CNTNAP2: variants seen among roughly 807,000 people sequenced by gnomAD.
The protein encoded by CNTNAP2 is contactin associated protein 2, also known as contactin-associated protein-like 2.
CNTNAP2 carries 98 observed loss-of-function variants against 155.2 expected under a neutral mutation model. That is an observed-to-expected ratio of 0.63 (90% CI 0.54 to 0.75). CNTNAP2 has a LOEUF of 0.75. CNTNAP2 is among the 30% of genes least tolerant of loss of function. The pLI is 0.00. For missense variants in CNTNAP2, 1,727 were observed against 1,688.1 expected (o/e 1.02, Z -0.40); for synonymous variants, 651 against 631.2 (o/e 1.03, Z -0.47).
intron 8 of CNTNAP2, chr7:147,146,208 AG>A (rs1185360696): frequency 4.6e-5 from 7 of 152,374 alleles, no homozygotes; most frequent in Non-Finnish European, 7.3e-5. Context: ...AGTGTGTTCT[AG>A]GGGCTCATTC....
chr7:147,520,045 G>T (rs996400619), intron 11 of CNTNAP2, among the ~76,000 whole-genome samples: 2 of 152,118 alleles, frequency 1.3e-5, no homozygotes, highest in Non-Finnish European at 2.9e-5. Flanking sequence ...GTCATTGAAA[G>T]CTTTGGAAGG....
intron 1 of CNTNAP2, among the ~76,000 whole-genome samples, chr7:146,189,946 G>T (rs538463203): frequency 5.3e-5 from 8 of 152,010 alleles, no homozygotes; most frequent in Non-Finnish European, 8.8e-5. Flanking sequence ...TGTTTCTTTT[G>T]CACATGATCC....
At chr7:147,247,208 C>T (rs900054783) in intron 8 of CNTNAP2, among the ~76,000 whole-genome samples, 1 of 151,756 alleles carries the variant, frequency 6.6e-6, no homozygotes, top group Non-Finnish European at 1.5e-5. Context: ...TTTTATTTCC[C>T]CTCTCCTCGG....
At chr7:146,827,029 A>G (rs1353740484) in intron 2 of CNTNAP2, among the ~76,000 whole-genome samples, 2 of 151,900 alleles carry the variant, frequency 1.3e-5, no homozygotes, top group African/African-American at 2.4e-5. Flanking sequence ...TTCAATTACA[A>G]TTCAATTTGC....
chr7:147,414,325 G>C (rs1248559378), intron 10 of CNTNAP2, among the ~76,000 whole-genome samples: 1 of 151,728 alleles, frequency 6.6e-6, no homozygotes, highest in Non-Finnish European at 1.5e-5. Context: ...TCAGGAGGCT[G>C]AGGCAGGAGA....
intron 1 of CNTNAP2, among the ~76,000 whole-genome samples, chr7:146,559,749 A>G (rs1321997457): frequency 6.6e-6 from 1 of 152,160 alleles, no homozygotes; most frequent in Admixed American, 6.5e-5. Flanking sequence ...CCCATTGCTA[A>G]TCATCCATTC....
intron 1 of CNTNAP2, among the ~76,000 whole-genome samples, chr7:146,516,778 C>A (rs1043078577): frequency 6.6e-6 from 1 of 151,906 alleles, no homozygotes; most frequent in Non-Finnish European, 1.5e-5. Context: ...CCTGAACCCC[C>A]TTTCCCTTGC....
rs1480836598 is a variant in CNTNAP2 at position 148,061,962 on chromosome 7, G to A, written c.2384-56156G>A. Among the ~76,000 whole-genome samples, 55 of 72,442 alleles carry A rather than the reference G, an allele frequency of 7.6e-4. 1 individual carries two copies. The highest frequency in any genetic ancestry group is 3.8e-3 in the African/African-American group (49 of 12,762). The allele number at this position is 72,442 out of a possible 152,430, so 47.5% of individuals were successfully genotyped here. The stretch of plus-strand genomic sequence containing the variant: ...ATAGATAGATAAACAGATATAGATA[G>A]ATAGATAGATAGATAGATAGATAGA... On this transcript the variant is annotated intron_variant, in intron 15 of 23. Transcript: ENST00000361727.
intron 8 of CNTNAP2, among the ~76,000 whole-genome samples, chr7:147,298,432 AAAG>A (rs1473246664): frequency 6.6e-6 from 1 of 152,154 alleles, no homozygotes; most frequent in African/African-American, 2.4e-5. Context: ...CACAAAAAAA[AAAG>A]AGGGGCTCAG....
chr7:147,818,454 C>G (rs1306416939), intron 13 of CNTNAP2, among the ~76,000 whole-genome samples: 1 of 152,078 alleles, frequency 6.6e-6, no homozygotes, highest in African/African-American at 2.4e-5. Context: ...GAAGTGCAGC[C>G]ATCAGTCTTA....
chr7:147,251,746 T>G (rs1467257857), intron 8 of CNTNAP2, among the ~76,000 whole-genome samples: 1 of 152,178 alleles, frequency 6.6e-6, no homozygotes, highest in African/African-American at 2.4e-5. Context: ...ACTGACCAAC[T>G]AGCAAACAAA....
At chr7:147,142,828 A>C (rs1162783836) in intron 8 of CNTNAP2, among the ~76,000 whole-genome samples, 2 of 152,162 alleles carry the variant, frequency 1.3e-5, no homozygotes, top group Admixed American at 6.5e-5. Flanking sequence ...CCACTGGAGC[A>C]TTTGGCCTCA....
intron 13 of CNTNAP2, among the ~76,000 whole-genome samples, chr7:147,787,009 AAGAG>A (rs58597648): frequency 4.6e-5 from 7 of 150,724 alleles, no homozygotes; most frequent in South Asian, 2.1e-4. Context: ...GGGAGGGAAA[AAGAG>A]AGAGAGAGAG....
At chr7:146,554,246 C>A (rs1462063919) in intron 1 of CNTNAP2, among the ~76,000 whole-genome samples, 2 of 151,934 alleles carry the variant, frequency 1.3e-5, no homozygotes, top group African/African-American at 4.8e-5. Flanking sequence ...GATCTGAAGC[C>A]CCTAAAAAAA....
At chr7:147,742,220 A>G (rs1279800204) in intron 13 of CNTNAP2, among the ~76,000 whole-genome samples, 1 of 152,240 alleles carries the variant, frequency 6.6e-6, no homozygotes, top group Admixed American at 6.5e-5. Flanking sequence ...AACCATATCA[A>G]TGGCAAAACC....
At chr7:146,617,077 T>C (rs930783057) in intron 1 of CNTNAP2, among the ~76,000 whole-genome samples, 2 of 152,182 alleles carry the variant, frequency 1.3e-5, no homozygotes, top group African/African-American at 4.8e-5. Flanking sequence ...TGGAGTGCAG[T>C]GGCGCGATCT....
intron 9 of CNTNAP2, among the ~76,000 whole-genome samples, chr7:147,361,613 G>A (rs73473160): frequency 0.024 from 3,616 of 152,142 alleles, 162 homozygotes; most frequent in African/African-American, 0.083. Context: ...CAAACTTATT[G>A]AGTAAGATAG....
At chr7:146,964,880 T>C (rs1364758953) in intron 3 of CNTNAP2, among the ~76,000 whole-genome samples, 2 of 102,600 alleles carry the variant, frequency 1.9e-5, no homozygotes, top group East Asian at 4.1e-4. Context: ...TGTTATTTAC[T>C]AAAACAGGTG....
chr7:147,601,636 T>TAAAAAA (rs370619019), intron 12 of CNTNAP2, among the ~76,000 whole-genome samples: 18 of 69,202 alleles, frequency 2.6e-4, no homozygotes, highest in East Asian at 1.3e-3. Context: ...CATTGACTCT[T>TAAAAAA]AAAAAAAAAT....
Sources: gnomAD v4.1 joint callset for allele counts (sites outside exome capture counted in the v4.1 genomes callset) on GRCh38, gnomAD v4.1.1 for gene constraint, MANE v1.5 for transcripts, NCBI Gene and HGNC (gene_info 2026-07-23, HGNC 2026-07-21) for gene names.